GNAI1: variants seen among roughly 807,000 people sequenced by gnomAD.
The protein encoded by GNAI1 is G protein subunit alpha i1.
Under a neutral mutation model 38.9 loss-of-function variants are expected in GNAI1, and 11 were observed. The observed-to-expected ratio is 0.28, with a 90% CI of 0.18 to 0.47. GNAI1 has a LOEUF of 0.47. Ranked by LOEUF, GNAI1 falls within the 20% of genes least tolerant of loss-of-function variation. GNAI1 has a pLI of 0.99. For synonymous variants in GNAI1, 166 were observed against 145.1 expected (o/e 1.14, Z -1.04); for missense variants, 317 against 436.9 (o/e 0.73, Z 2.45).
rs201814243 is a variant in GNAI1 at position 80,151,401 on chromosome 7, CA to C, written c.118+16135del. On this transcript the variant is annotated intron_variant, in intron 1 of 7. Transcript: ENST00000649796. ...TCTCACTTCTAGATAACCACAAAGC[CA>C]AAAAAAAAAAATTACACACAAAACC... is the stretch of plus-strand genomic sequence containing the variant. Among the ~76,000 whole-genome samples, 575 of 143,034 alleles carry C rather than the reference CA, an allele frequency of 4.0e-3. 3 individuals are homozygous for C. Among genetic ancestry groups the C allele is most frequent in the African/African-American group, 0.011 (441 of 39,214 alleles). The allele number at this position is 143,034 out of a possible 152,430, so 93.8% of individuals were successfully genotyped here.
At chr7:80,216,069 G>GT (rs1457297514) in intron 7 of GNAI1, among the ~76,000 whole-genome samples, 1 of 152,098 alleles carries the variant, frequency 6.6e-6, no homozygotes, top group South Asian at 2.1e-4. Flanking sequence ...GGTTTAAACA[G>GT]TTTTTTTCCA....
At chr7:80,149,873 G>A (rs1198281886) in intron 1 of GNAI1, among the ~76,000 whole-genome samples, 1 of 152,092 alleles carries the variant, frequency 6.6e-6, no homozygotes, top group Non-Finnish European at 1.5e-5. Flanking sequence ...CTAAAGTAGA[G>A]AAGAATTTGT....
At position 80,222,374 on chromosome 7, in the gene GNAI1, C is replaced by G. The variant is rs1562848930; in HGVS notation, c.*4881C>G. On this transcript the variant is annotated 3_prime_UTR_variant, in exon 8 of 8. Transcript: ENST00000649796. ...ACTGTCATTGAAGGAGCTAGTTCTT[C>G]AAATTTAATTTTTTTTTTTTTTTTT... 8.0e-6 allele frequency among the ~76,000 whole-genome samples: 1 copy of G among 125,662 alleles called. No individual in the cohort carries two copies. The highest frequency in any genetic ancestry group is 1.6e-5 in the Non-Finnish European group (1 of 61,428). 82.4% of individuals were successfully genotyped at this position (125,662 alleles called of 152,430 possible).
At chr7:80,183,962 G>A (rs969391101) in intron 1 of GNAI1, among the ~76,000 whole-genome samples, 2 of 152,044 alleles carry the variant, frequency 1.3e-5, no homozygotes, top group African/African-American at 2.4e-5. Flanking sequence ...TTCTCTCTCC[G>A]GTGTTAATGT....
In GNAI1 at chr7:80,222,739, A is replaced by G. The variant is rs1789101531; in HGVS notation, c.*5246A>G. Among the ~76,000 whole-genome samples the G allele has an allele frequency of 6.6e-6, 1 of 152,188 alleles. No individual in the cohort carries two copies. The highest frequency in any genetic ancestry group is 2.1e-4 in the South Asian group (1 of 4,832). On this transcript the variant is annotated 3_prime_UTR_variant, in exon 8 of 8. Coordinates refer to ENST00000649796, the MANE Select transcript of GNAI1 (RefSeq NM_002069.6). ...GATAATTTGAGGAAACATGCATAGAATACTAGACAGAGACTATTTTAGCAG... is the reference window on the plus strand; with the variant it reads ...GATAATTTGAGGAAACATGCATAGAGTACTAGACAGAGACTATTTTAGCAG...
At chr7:80,152,348 T>G (rs2116103038) in intron 1 of GNAI1, among the ~76,000 whole-genome samples, 1 of 152,256 alleles carries the variant, frequency 6.6e-6, no homozygotes, top group South Asian at 2.1e-4. Flanking sequence ...GTTGAATAAA[T>G]TAATGAACAA....
At position 80,218,511 on chromosome 7, in the gene GNAI1, A is replaced by T. The variant is rs1422809693; in HGVS notation, c.*1018A>T. 6.6e-6 allele frequency: 1 copy of T among 152,066 alleles called. No individual in the cohort carries two copies. Among genetic ancestry groups the T allele is most frequent in the Non-Finnish European group, 1.5e-5 (1 of 67,984 alleles). The allele number at this position is 152,066 out of a possible 1,614,324, so 9.4% of individuals were successfully genotyped here. A position where few individuals can be genotyped will look rare whatever the true frequency, so the allele number is the denominator to read the frequency against. ...GGTGAGGCTTTTATTTCCCTTGAGG[A>T]GTCTCTTGTACCTAGCATACATGAT... On this transcript the variant is annotated 3_prime_UTR_variant, in exon 8 of 8. Transcript: ENST00000649796.
chr7:80,210,477 A>C (rs1788853744), intron 5 of GNAI1, among the ~76,000 whole-genome samples: 1 of 152,038 alleles, frequency 6.6e-6, no homozygotes, highest in South Asian at 2.1e-4. Context: ...CTTTACATCA[A>C]AGCCTTGCTT....
intron 1 of GNAI1, among the ~76,000 whole-genome samples, chr7:80,141,034 A>G (rs1787516981): frequency 6.6e-6 from 1 of 152,118 alleles, no homozygotes; most frequent in African/African-American, 2.4e-5. Flanking sequence ...ACTTGGAAGG[A>G]CCCTTGTAAT....
At chr7:80,145,235 T>C (rs571930328) in intron 1 of GNAI1, among the ~76,000 whole-genome samples, 143 of 152,366 alleles carry the variant, frequency 9.4e-4, no homozygotes, top group Non-Finnish European at 7.2e-4. Context: ...TTCATATTTT[T>C]CCTTTTTCAC....
intron 5 of GNAI1, among the ~76,000 whole-genome samples, chr7:80,204,668 C>G (rs1181850545): frequency 6.6e-6 from 1 of 152,096 alleles, no homozygotes; most frequent in East Asian, 1.9e-4. Context: ...TAGTCATTAC[C>G]ATGACTTTCT....
chr7:80,171,782 G>T (rs527846009), intron 1 of GNAI1, among the ~76,000 whole-genome samples: 1 of 152,010 alleles, frequency 6.6e-6, no homozygotes, highest in African/African-American at 2.4e-5. Context: ...TCATAGGAGG[G>T]CTCTTCAGTT....
intron 1 of GNAI1, among the ~76,000 whole-genome samples, chr7:80,164,371 CT>C (rs932754419): frequency 6.9e-6 from 1 of 145,638 alleles, no homozygotes; most frequent in South Asian, 2.2e-4. Context: ...TCCTTTTTTT[CT>C]TTTTTTTTGA....
chr7:80,174,779 C>T (rs1391211129), intron 1 of GNAI1, among the ~76,000 whole-genome samples: 1 of 152,136 alleles, frequency 6.6e-6, no homozygotes, highest in East Asian at 1.9e-4. Flanking sequence ...GTTTATTTCT[C>T]CCATGTCACA....
chr7:80,209,829 C>T (rs755589303), intron 5 of GNAI1, among the ~76,000 whole-genome samples: 1 of 152,038 alleles, frequency 6.6e-6, no homozygotes, highest in Non-Finnish European at 1.5e-5. Context: ...TCGTTATTAC[C>T]AGCTATGTTT....
chr7:80,223,493 A>G lies in GNAI1; in HGVS notation c.*6000A>G, dbSNP rs1789113985. ...TTCTGTGGAAACTTCACAGAGTTTTAGCTTTGATCCTTCCTTCACTTTTGA... is the reference window on the plus strand; with the variant it reads ...TTCTGTGGAAACTTCACAGAGTTTTGGCTTTGATCCTTCCTTCACTTTTGA... On this transcript the variant is annotated 3_prime_UTR_variant, in exon 8 of 8. Coordinates refer to ENST00000649796, the MANE Select transcript of GNAI1 (RefSeq NM_002069.6). 6.6e-6 allele frequency among the ~76,000 whole-genome samples: 1 copy of G among 152,198 alleles called. No homozygotes were observed. The highest frequency in any genetic ancestry group is 2.4e-5 in the African/African-American group (1 of 41,452).
chr7:80,159,902 G>GAT (rs764747345), intron 1 of GNAI1, among the ~76,000 whole-genome samples: 26 of 80,298 alleles, frequency 3.2e-4, no homozygotes, highest in Non-Finnish European at 5.1e-4. Context: ...GAGGATTAGA[G>GAT]ATATATGTTA....
intron 3 of GNAI1, among the ~76,000 whole-genome samples, chr7:80,190,714 C>G (rs1266790459): frequency 1.3e-5 from 2 of 152,018 alleles, no homozygotes; most frequent in African/African-American, 4.8e-5. Context: ...TTAATTTAAA[C>G]CTTTTGCCAA....
chr7:80,208,875 A>G (rs1278202389), intron 5 of GNAI1, among the ~76,000 whole-genome samples: 1 of 152,206 alleles, frequency 6.6e-6, no homozygotes, highest in African/African-American at 2.4e-5. Flanking sequence ...GCTGTTTGCC[A>G]CTTTATAACA....
Sources: gnomAD v4.1 joint callset for allele counts (sites outside exome capture counted in the v4.1 genomes callset) on GRCh38, gnomAD v4.1.1 for gene constraint, MANE v1.5 for transcripts, NCBI Gene and HGNC (gene_info 2026-07-23, HGNC 2026-07-21) for gene names.